Variants in PDE4B observed in about 807,000 individuals in gnomAD.
PDE4B encodes the protein phosphodiesterase 4B.
Under a neutral mutation model 82.2 loss-of-function variants are expected in PDE4B, and 20 were observed. That is an observed-to-expected ratio of 0.24 (90% CI 0.17 to 0.35). PDE4B has a LOEUF of 0.35. PDE4B is among the 10% of genes least tolerant of loss of function. The pLI is 1.00. For missense variants in PDE4B, 655 were observed against 907.2 expected, an observed-to-expected ratio of 0.72 and a Z score of 3.57; for synonymous variants, 320 against 318.9, an observed-to-expected ratio of 1.00 and a Z score of -0.04.
intron 1 of PDE4B, among the ~76,000 whole-genome samples, chr1:65,835,049 G>T (rs1646125470): frequency 6.6e-6 from 1 of 152,096 alleles, no homozygotes. Context: ...TATGGTCTTT[G>T]TTGTCAGTTC....
intron 3 of PDE4B, among the ~76,000 whole-genome samples, chr1:66,237,002 A>G (rs1265168539): frequency 6.6e-6 from 1 of 152,226 alleles, no homozygotes; most frequent in Non-Finnish European, 1.5e-5. Flanking sequence ...GGTAATATAT[A>G]CCAAATGTAC....
At chr1:66,215,412 T>G (rs1308166774) in intron 3 of PDE4B, among the ~76,000 whole-genome samples, 1 of 152,144 alleles carries the variant, frequency 6.6e-6, no homozygotes, top group Non-Finnish European at 1.5e-5. Context: ...ATGTTAGAAC[T>G]CCTAGTTTGT....
At chr1:65,944,338 A>G (rs1217918452) in intron 3 of PDE4B, among the ~76,000 whole-genome samples, 1 of 151,594 alleles carries the variant, frequency 6.6e-6, no homozygotes, top group Non-Finnish European at 1.5e-5. Flanking sequence ...TGGCCCTTTT[A>G]ATGTACTGTT....
intron 3 of PDE4B, among the ~76,000 whole-genome samples, chr1:66,066,036 T>A (rs1362210069): frequency 6.6e-6 from 1 of 151,822 alleles, no homozygotes; most frequent in South Asian, 2.1e-4. Context: ...TTATATTAAA[T>A]GGCTCATTCA....
chr1:66,112,310 CA>C (rs1436723881), intron 3 of PDE4B, among the ~76,000 whole-genome samples: 2 of 152,046 alleles, frequency 1.3e-5, no homozygotes, highest in African/African-American at 4.8e-5. Context: ...TCATTTATTA[CA>C]ATTTATAATT....
Position 66,361,636 on chromosome 1 carries a change from T to A in PDE4B, c.863T>A (p.Ile288Asn). The A allele has an allele frequency of 6.2e-7, 1 of 1,613,166 alleles. No homozygotes were observed. Among genetic ancestry groups the A allele is most frequent in the Admixed American group, 1.7e-5 (1 of 59,948 alleles). Residue 288 changes from isoleucine to asparagine, a missense_variant, in exon 10 of 17, where the codon ATC (isoleucine) becomes AAC (asparagine). By Grantham distance (149) the Ile-to-Asn change is moderately radical (BLOSUM62 -3). Transcript: ENST00000341517. ...TFLDKQNDVEIPSPTQKDREK... is the reference protein window; with the variant it reads ...TFLDKQNDVENPSPTQKDREK... ...GCAGACAAGCAGAATGATGTGGAGA[T>A]CCCATCTCCTACCCAGAAAGACAGG...
At chr1:66,334,129 T>A (rs1296416546) in intron 8 of PDE4B, among the ~76,000 whole-genome samples, 3 of 152,194 alleles carry the variant, frequency 2.0e-5, no homozygotes, top group Non-Finnish European at 4.4e-5. Flanking sequence ...TTTGTGGTAA[T>A]TGACGGCTAT....
In PDE4B at chr1:66,086,226, A is replaced by G. The variant is rs140933666; in HGVS notation, c.282-161234A>G. ...ATTAAAAGCATGTTGCTTTGGCCTC[A>G]TATACCAATTGCAATATGTGAGTGT... On this transcript the variant is annotated intron_variant, in intron 3 of 16. Transcript: ENST00000341517. 4.5e-3 allele frequency among the ~76,000 whole-genome samples: 681 copies of G among 152,262 alleles called. 10 individuals carry two copies. Among genetic ancestry groups the G allele is most frequent in the Non-Finnish European group, 3.6e-3 (247 of 68,014 alleles).
intron 7 of PDE4B, among the ~76,000 whole-genome samples, chr1:66,303,091 C>A (rs757013868): frequency 7.2e-5 from 11 of 152,074 alleles, no homozygotes; most frequent in Non-Finnish European, 1.5e-4. Context: ...TACTTATTCA[C>A]GAGTCATTCA....
chr1:66,192,668 C>T (rs1018131863), intron 3 of PDE4B, among the ~76,000 whole-genome samples: 8 of 152,126 alleles, frequency 5.3e-5, no homozygotes, highest in Non-Finnish European at 8.8e-5. Flanking sequence ...ACATGGCTTT[C>T]ATGGTTTCGG....
intron 12 of PDE4B, among the ~76,000 whole-genome samples, chr1:66,364,736 A>G (rs933893151): frequency 3.3e-5 from 5 of 152,332 alleles, no homozygotes; most frequent in Admixed American, 6.5e-5. Context: ...CTGTGTAAGT[A>G]TCATAGAGTG....
chr1:65,957,871 A>G (rs1476120457), intron 3 of PDE4B, among the ~76,000 whole-genome samples: 2 of 152,238 alleles, frequency 1.3e-5, no homozygotes, highest in African/African-American at 4.8e-5. Flanking sequence ...CATTACAACC[A>G]GCTGTTTGTT....
intron 1 of PDE4B, among the ~76,000 whole-genome samples, chr1:65,842,128 GTATT>G (rs1557774136): frequency 6.6e-6 from 1 of 152,042 alleles, no homozygotes; most frequent in African/African-American, 2.4e-5. Flanking sequence ...CATTTCTAGG[GTATT>G]TATTAGGGAG....
intron 3 of PDE4B, among the ~76,000 whole-genome samples, chr1:66,201,098 G>A (rs1364012313): frequency 6.6e-6 from 1 of 152,204 alleles, no homozygotes; most frequent in African/African-American, 2.4e-5. Context: ...CATCTATTGA[G>A]ATAATCATGT....
chr1:65,840,997 G>T (rs1646200368), intron 1 of PDE4B, among the ~76,000 whole-genome samples: 1 of 152,108 alleles, frequency 6.6e-6, no homozygotes, highest in South Asian at 2.1e-4. Context: ...ATATTCGAAT[G>T]AAATCATTGT....
chr1:66,363,039 A>T, intron 10 of PDE4B, 129 bp from the exon 11 acceptor site: 1 of 600,184 alleles, frequency 1.7e-6, no homozygotes, highest in Non-Finnish European at 3.0e-6. Flanking sequence ...AGATTTTCAC[A>T]CAACTAAAGC....
chr1:65,918,382 G>T (rs1218675432), intron 2 of PDE4B, among the ~76,000 whole-genome samples: 1 of 152,084 alleles, frequency 6.6e-6, no homozygotes, highest in African/African-American at 2.4e-5. Flanking sequence ...AAATCTCCAG[G>T]AATATGCAAC....
At chr1:66,247,352 T>C (rs1653395242) in intron 3 of PDE4B, 108 bp from the exon 4 acceptor site, 5 of 600,520 alleles carry the variant, frequency 8.3e-6, no homozygotes, top group African/African-American at 3.7e-5. Context: ...TACAGTTTTA[T>C]GTAAAATGCT....
chr1:65,910,881 G>C (rs1647082250), intron 1 of PDE4B, among the ~76,000 whole-genome samples: 1 of 152,170 alleles, frequency 6.6e-6, no homozygotes, highest in South Asian at 2.1e-4. Context: ...CCAAGAGTGG[G>C]TCTGAAGGGG....
Sources: allele counts gnomAD v4.1 joint callset (sites outside exome capture counted in the v4.1 genomes callset), GRCh38; gene constraint gnomAD v4.1.1; transcripts MANE v1.5; gene names NCBI Gene and HGNC (gene_info 2026-07-23, HGNC 2026-07-21).